The following PSMA5 variants were observed in gnomAD, a reference collection of about 807,000 sequenced individuals.
PSMA5 encodes proteasome subunit alpha type-5.
Under a neutral mutation model 34.5 loss-of-function variants are expected in PSMA5, and 3 were observed. The ratio of observed to expected loss-of-function variants is 0.09; its 90% confidence interval spans 0.04 to 0.22. The LOEUF (loss-of-function observed/expected upper bound fraction) is 0.22, where lower values mean the gene tolerates loss of function less well. Ranked by LOEUF, PSMA5 falls within the 10% of genes least tolerant of loss-of-function variation. PSMA5 has a pLI of 1.00. For missense variants in PSMA5, 120 were observed against 286.1 expected, an observed-to-expected ratio of 0.42 and a Z score of 4.19; for synonymous variants, 88 against 95.8, an observed-to-expected ratio of 0.92 and a Z score of 0.47.
intron 1 of PSMA5, among the ~76,000 whole-genome samples, chr1:109,422,507 G>C (rs999009768): frequency 1.4e-5 from 2 of 140,538 alleles, no homozygotes; most frequent in African/African-American, 5.5e-5. Context: ...TTTTGAGACA[G>C]AGTCTCGCTC....
chr1:109,413,254 AT>A, intron 3 of PSMA5, 119 bp from the exon 4 acceptor site: 1 of 834,858 alleles, frequency 1.2e-6, no homozygotes, highest in Non-Finnish European at 2.0e-6. Context: ...ATCCCATGGC[AT>A]TTTATACCCA....
chr1:109,419,798 CAAAAAAAAAAA>C (rs57566863), intron 2 of PSMA5, among the ~76,000 whole-genome samples: 4 of 31,018 alleles, frequency 1.3e-4, no homozygotes, highest in African/African-American at 4.8e-4. Context: ...GACTCCGTCT[CAAAAAAAAAAA>C]AAAAAAAAAA....
rs1194225023 is a variant in PSMA5 at position 109,426,319 on chromosome 1, G to A, written c.12C>T (p.Thr4=). The A allele has an allele frequency of 6.2e-7, 1 of 1,614,140 alleles. No individual in the cohort carries two copies. Among genetic ancestry groups the A allele is most frequent in the South Asian group, 1.1e-5 (1 of 91,084 alleles). ...GCACGGACCTGTCGTACTCAGACCG[G>A]GTAAGAAACATGGCGAGGGTAGGAG... is the stretch of plus-strand genomic sequence containing the variant. MFL[T]RSEYDRGVNT... The change falls in exon 1 of 9, where the codon ACC becomes ACT. Residue 4 remains threonine, a synonymous_variant. Transcript: ENST00000271308.
At position 109,409,282 on chromosome 1, in the gene PSMA5, G is replaced by A. The variant is rs551541508; in HGVS notation, c.648+646C>T. Among the ~76,000 whole-genome samples, 15 of 152,176 alleles carry A rather than the reference G, an allele frequency of 9.9e-5. No individual in the cohort carries two copies. In the South Asian group the frequency reaches 2.1e-3, roughly 21 times the overall value. On this transcript the variant is annotated intron_variant, in intron 8 of 8. Coordinates refer to ENST00000271308, the MANE Select transcript of PSMA5 (RefSeq NM_002790.4). ...ATCAATTCTGATGCCTCAGCCTCCC[G>A]AGTAGCTGGAACTACAGGTGCGTGC...
In PSMA5 at chr1:109,415,378, G is replaced by T. The variant is rs761075591; in HGVS notation, c.97-15C>A. ...GTAGAACCAAGCTAAAGAGAAACAT[G>T]TTATGATTACCATATATAGGTCAAA... is the stretch of plus-strand genomic sequence containing the variant. On this transcript the variant is annotated splice_polypyrimidine_tract_variant and intron_variant, in intron 2 of 8. Coordinates refer to ENST00000271308, the MANE Select transcript of PSMA5 (RefSeq NM_002790.4). 14 of 1,609,672 alleles carry T rather than the reference G, an allele frequency of 8.7e-6. No individual in the cohort carries two copies. The highest frequency in any genetic ancestry group is 1.2e-5 in the Non-Finnish European group (14 of 1,177,614).
chr1:109,410,066 T>C (rs1015036428), intron 7 of PSMA5, 52 bp from the exon 8 acceptor site: 2 of 1,204,608 alleles, frequency 1.7e-6, no homozygotes, highest in Admixed American at 4.2e-5. Flanking sequence ...CAATCCGTCC[T>C]TCCTTCAAAG....
chr1:109,405,266 A>G, intron 8 of PSMA5, among the ~76,000 whole-genome samples: 1 of 152,210 alleles, frequency 6.6e-6, no homozygotes, highest in Admixed American at 6.5e-5. Context: ...CTTCTGTAAA[A>G]TAAGATTTTC....
At chr1:109,404,945 AC>A (rs1653685518) in intron 8 of PSMA5, among the ~76,000 whole-genome samples, 1 of 152,242 alleles carries the variant, frequency 6.6e-6, no homozygotes, top group Admixed American at 6.5e-5. Context: ...GGGAGAAGCA[AC>A]TTTTGAGTTG....
rs145362134 is a variant in PSMA5, at chr1:109,422,132, C to T, written c.30-206G>A. ...GAACCTATATATAGAACACTTCTGC[C>T]TCACTCCCAGAAAGTCTTCCCAAAT... On this transcript the variant is annotated intron_variant, in intron 1 of 8. Transcript: ENST00000271308. Among the ~76,000 whole-genome samples, 1,413 of 152,184 alleles carry T rather than the reference C, an allele frequency of 9.3e-3. 12 individuals are homozygous for T. Among genetic ancestry groups the T allele is most frequent in the Non-Finnish European group, 0.015 (1,004 of 68,000 alleles).
At chr1:109,407,972 G>A (rs1250958518) in intron 8 of PSMA5, among the ~76,000 whole-genome samples, 7 of 151,974 alleles carry the variant, frequency 4.6e-5, no homozygotes, top group Non-Finnish European at 1.0e-4. Context: ...ACTCTTCCCT[G>A]TCTTCTCATA....
chr1:109,411,121 AC>A lies in PSMA5; in HGVS notation c.459-9del. 1.2e-6 allele frequency: 2 copies of A among 1,605,568 alleles called. No individual in the cohort carries two copies. The highest frequency in any genetic ancestry group is 1.7e-6 in the Non-Finnish European group (2 of 1,174,174). On this transcript the variant is annotated splice_polypyrimidine_tract_variant and intron_variant, in intron 6 of 8. Coordinates refer to ENST00000271308, the MANE Select transcript of PSMA5 (RefSeq NM_002790.4). ...GATGGGTCCATATGAAACCTGCAAAACCCCCAAAATGAGGACTAAAATGCTC... is the reference window on the plus strand; with the variant it reads ...GATGGGTCCATATGAAACCTGCAAAACCCCAAAATGAGGACTAAAATGCTC...
intron 2 of PSMA5, among the ~76,000 whole-genome samples, chr1:109,421,335 C>T (rs185061930): frequency 1.4e-4 from 22 of 151,898 alleles, no homozygotes; most frequent in Admixed American, 1.1e-3. Context: ...GTCAGGGGTT[C>T]GAGACCAGCC....
At chr1:109,415,004 T>C (rs1194888848) in intron 3 of PSMA5, 1 of 418,022 alleles carries the variant, frequency 2.4e-6, no homozygotes, top group African/African-American at 2.0e-5. Flanking sequence ...TCAACAACCA[T>C]CACATTTACC....
rs191673909 is a variant in PSMA5, at chr1:109,409,839, A to C, written c.648+89T>G. 7 of 869,010 alleles carry C rather than the reference A, an allele frequency of 8.1e-6. No homozygotes were observed. In the African/African-American group the frequency reaches 1.0e-4, roughly 13 times the overall value. 53.8% of individuals were successfully genotyped at this position (869,010 alleles called of 1,614,324 possible). On this transcript the variant is annotated intron_variant, in intron 8 of 8. Coordinates refer to ENST00000271308, the MANE Select transcript of PSMA5 (RefSeq NM_002790.4). ...TGGGGTGGGAGGACTACTTGAACTCATGAGTTCAAGACCAGTCTAGGCAAT... is the reference window on the plus strand; with the variant it reads ...TGGGGTGGGAGGACTACTTGAACTCCTGAGTTCAAGACCAGTCTAGGCAAT...
At chr1:109,426,131 G>C (rs1654647136) in intron 1 of PSMA5, 171 bp downstream of exon 1, 17 of 813,102 alleles carry the variant, frequency 2.1e-5, no homozygotes, top group South Asian at 1.6e-4. Context: ...CCGCCGATGT[G>C]GTCTAGCTTG....
rs769759531 is a variant in PSMA5, at chr1:109,409,920, GA to G, written c.648+7del. On this transcript the variant is annotated splice_region_variant and intron_variant, in intron 8 of 8. Coordinates refer to ENST00000271308, the MANE Select transcript of PSMA5 (RefSeq NM_002790.4). ...CCGAAAAAAATCCAACAATAAAACA[GA>G]AAGTACCTCAATGTTTGTTGCATTC... The G allele has an allele frequency of 1.9e-6, 3 of 1,575,554 alleles. No homozygotes were observed. The highest frequency in any genetic ancestry group is 1.2e-5 in the South Asian group (1 of 85,114).
chr1:109,422,505 C>CA lies in PSMA5; in HGVS notation c.30-580dup, dbSNP rs1557846033. ...TACTTTTTTTTTTTTTTTTTTGAGA[C>CA]AGAGTCTCGCTCTGTCGCTCAGGCG... is the stretch of plus-strand genomic sequence containing the variant. On this transcript the variant is annotated intron_variant, in intron 1 of 8. Coordinates refer to ENST00000271308, the MANE Select transcript of PSMA5 (RefSeq NM_002790.4). 5.1e-5 allele frequency among the ~76,000 whole-genome samples: 7 copies of CA among 137,342 alleles called. No homozygotes were observed. In the East Asian group the frequency reaches 1.1e-3, roughly 21 times the overall value. 90.1% of individuals were successfully genotyped at this position (137,342 alleles called of 152,430 possible). A position where few individuals can be genotyped will look rare whatever the true frequency, so the allele number is the denominator to read the frequency against.
Position 109,401,920 on chromosome 1 carries a change from GGAGAT to G in PSMA5, c.*88_*92del, listed in dbSNP as rs1365177657. 1 of 969,222 alleles carries G rather than the reference GGAGAT, an allele frequency of 1.0e-6. No individual in the cohort carries two copies. The highest frequency in any genetic ancestry group is 1.6e-6 in the Non-Finnish European group (1 of 644,350). The allele number at this position is 969,222 out of a possible 1,614,324, so 60.0% of individuals were successfully genotyped here. A position where few individuals can be genotyped will look rare whatever the true frequency, so the allele number is the denominator to read the frequency against. On this transcript the variant is annotated 3_prime_UTR_variant, in exon 9 of 9. Transcript: ENST00000271308. ...ATCATTTAAAAAATGCACATACAATGGAGATTTTCCAAGGAACAGGAGCTGGAAAT... is the reference window on the plus strand; with the variant it reads ...ATCATTTAAAAAATGCACATACAATGTTTCCAAGGAACAGGAGCTGGAAAT...
intron 1 of PSMA5, chr1:109,425,324 A>T (rs1654612083): frequency 6.6e-6 from 1 of 152,180 alleles, no homozygotes. Context: ...TATCATACAC[A>T]CCCTAACTCA....
Sources: gnomAD v4.1 joint callset for allele counts (sites outside exome capture counted in the v4.1 genomes callset) on GRCh38, gnomAD v4.1.1 for gene constraint, MANE v1.5 for transcripts, NCBI Gene and HGNC (gene_info 2026-07-23, HGNC 2026-07-21) for gene names.